OSBPL5: variants seen among roughly 807,000 people sequenced by gnomAD.
The protein encoded by OSBPL5 is oxysterol binding protein like 5.
Under a neutral mutation model 111.2 loss-of-function variants are expected in OSBPL5, and 71 were observed. The observed-to-expected ratio is 0.64, with a 90% CI of 0.53 to 0.78. The LOEUF (loss-of-function observed/expected upper bound fraction) is 0.78, where lower values mean the gene tolerates loss of function less well. Ranked by LOEUF, OSBPL5 falls within the 30% of genes least tolerant of loss-of-function variation. The pLI is 0.00. For missense variants in OSBPL5, 1,210 were observed against 1,189.3 expected, an observed-to-expected ratio of 1.02 and a Z score of -0.26; for synonymous variants, 549 against 513.9, an observed-to-expected ratio of 1.07 and a Z score of -0.93.
intron 11 of OSBPL5, 140 bp from the exon 12 acceptor site, chr11:3,102,421 A>T: frequency 1.4e-6 from 1 of 722,264 alleles, no homozygotes; most frequent in South Asian, 1.7e-5. Context: ...AGCATCTGGG[A>T]ACAACACCTC....
rs891966992 is a variant in OSBPL5, at chr11:3,106,652, T to C, written c.1059+611A>G. Among the ~76,000 whole-genome samples the C allele has an allele frequency of 3.9e-5, 6 of 152,192 alleles. No homozygotes were observed. Among genetic ancestry groups the C allele is most frequent in the African/African-American group, 1.4e-4 (6 of 41,456 alleles). On this transcript the variant is annotated intron_variant, in intron 9 of 21. Coordinates refer to ENST00000263650, the MANE Select transcript of OSBPL5 (RefSeq NM_020896.4). This position sits in a 1 kb window ranked among gnomAD's most constrained non-coding sequence, Gnocchi z 8.4. ...TGAGCTCGTGCGCTGGTGGTCCTTC[T>C]TCTTGGAACGCCATCCTCCCTCCCG...
At position 3,120,448 on chromosome 11, in the gene OSBPL5, C is replaced by A. The variant is rs750572170; in HGVS notation, c.579G>T (p.Pro193=). ...KDGFCFKLFH[P]LDQSVWAVKG... Reference sequence around the variant, plus strand: ...TCACGGCCCAGACGGACTGATCCAGCGGGTGGAAGAGCTTGAAGCAGAAGC... The same window carrying A: ...TCACGGCCCAGACGGACTGATCCAGAGGGTGGAAGAGCTTGAAGCAGAAGC... Residue 193 remains proline (P), a synonymous_variant, in exon 6 of 22, where the codon CCG becomes CCT. Transcript: ENST00000263650. The A allele has an allele frequency of 1.2e-5, 19 of 1,613,052 alleles. No homozygotes were observed. Among genetic ancestry groups the A allele is most frequent in the Middle Eastern group, 1.6e-4 (1 of 6,084 alleles).
Position 3,128,999 on chromosome 11 carries a change from C to G in OSBPL5, c.136+14G>C. On this transcript the variant is annotated intron_variant, in intron 2 of 21. Transcript: ENST00000263650. ...GCTGAGGGCCAGGTTGCCCTGCCCACGGCCGGCACTTACCTGGGCTGAGTG... is the reference window on the plus strand; with the variant it reads ...GCTGAGGGCCAGGTTGCCCTGCCCAGGGCCGGCACTTACCTGGGCTGAGTG... 2.0e-6 allele frequency: 3 copies of G among 1,527,900 alleles called. No individual in the cohort carries two copies. Among genetic ancestry groups the G allele is most frequent in the Non-Finnish European group, 2.6e-6 (3 of 1,137,652 alleles). 94.6% of individuals were successfully genotyped at this position (1,527,900 alleles called of 1,614,324 possible). A position where few individuals can be genotyped will look rare whatever the true frequency, so the allele number is the denominator to read the frequency against.
At chr11:3,158,141 C>T (rs1215279898) in intron 1 of OSBPL5, among the ~76,000 whole-genome samples, 1 of 152,256 alleles carries the variant, frequency 6.6e-6, no homozygotes, top group Non-Finnish European at 1.5e-5. Context: ...CTTCATGCTC[C>T]AAACTCTCCC....
chr11:3,156,191 G>A (rs1457528626), intron 1 of OSBPL5, among the ~76,000 whole-genome samples: 2 of 152,206 alleles, frequency 1.3e-5, no homozygotes, highest in Non-Finnish European at 2.9e-5. Flanking sequence ...CAGTCCCCCG[G>A]GAGAGTGCCC....
Position 3,092,726 on chromosome 11 carries a change from T to A in OSBPL5, c.2132+141A>T. 1 of 1,328,412 alleles carries A rather than the reference T, an allele frequency of 7.5e-7. No individual in the cohort carries two copies. The highest frequency in any genetic ancestry group is 1.5e-5 in the South Asian group (1 of 65,738). The allele number at this position is 1,328,412 out of a possible 1,614,324, so 82.3% of individuals were successfully genotyped here. A position where few individuals can be genotyped will look rare whatever the true frequency, so the allele number is the denominator to read the frequency against. On this transcript the variant is annotated intron_variant, in intron 18 of 21. Transcript: ENST00000263650. The surrounding 1 kb of genome is among the most constrained non-coding windows in gnomAD (Gnocchi z 5.4). ...CAGTAAGGACTGATGATGGGGGGTGTCACTATCTGACCCTCCCCCACCGAC... is the reference window on the plus strand; with the variant it reads ...CAGTAAGGACTGATGATGGGGGGTGACACTATCTGACCCTCCCCCACCGAC...
chr11:3,143,443 A>G (rs1328076051), intron 1 of OSBPL5, among the ~76,000 whole-genome samples: 1 of 152,216 alleles, frequency 6.6e-6, no homozygotes, highest in East Asian at 1.9e-4. Context: ...CAGAGAGCGG[A>G]CACAGCCAGA....
At chr11:3,158,784 C>G (rs1846862964) in intron 1 of OSBPL5, among the ~76,000 whole-genome samples, 1 of 152,194 alleles carries the variant, frequency 6.6e-6, no homozygotes, top group Non-Finnish European at 1.5e-5. Context: ...TGGGGTGCAT[C>G]CTCAAGATAT....
At chr11:3,097,184 T>C (rs1485837216) in intron 14 of OSBPL5, among the ~76,000 whole-genome samples, 3 of 141,428 alleles carry the variant, frequency 2.1e-5, no homozygotes, top group African/African-American at 8.0e-5. Context: ...GGGGCATTTG[T>C]CGATCTGAGA....
intron 1 of OSBPL5, among the ~76,000 whole-genome samples, chr11:3,160,506 C>G (rs779402589): frequency 6.6e-6 from 1 of 152,198 alleles, no homozygotes; most frequent in Non-Finnish European, 1.5e-5. Flanking sequence ...CGAATGGGAC[C>G]CACAGCGGCG....
chr11:3,131,956 T>C (rs143517990), intron 1 of OSBPL5, among the ~76,000 whole-genome samples: 33 of 25,684 alleles, frequency 1.3e-3, no homozygotes, highest in Non-Finnish European at 2.5e-3. Flanking sequence ...CATCCATCCA[T>C]CCATCCATCC....
chr11:3,093,507 TG>T lies in OSBPL5; in HGVS notation c.1946+19del. 2 of 1,603,402 alleles carry T rather than the reference TG, an allele frequency of 1.2e-6. No homozygotes were observed. Among genetic ancestry groups the T allele is most frequent in the Non-Finnish European group, 1.7e-6 (2 of 1,178,136 alleles). ...GTCAGGCTGTGGTCAGCAGGGTCCC[TG>T]GGCGCTGACAGGCCTCACCTCTCGG... On this transcript the variant is annotated intron_variant, in intron 17 of 21. Coordinates refer to ENST00000263650, the MANE Select transcript of OSBPL5 (RefSeq NM_020896.4).
Position 3,140,841 on chromosome 11 carries a change from C to A in OSBPL5, c.-21-11672G>T, listed in dbSNP as rs1416548726. Among the ~76,000 whole-genome samples, 1 of 152,112 alleles carries A rather than the reference C, an allele frequency of 6.6e-6. No individual in the cohort carries two copies. Among genetic ancestry groups the A allele is most frequent in the Non-Finnish European group, 1.5e-5 (1 of 67,998 alleles). ...GTGTATCAAGGTGAGGTGCCTACCCCACCCCTACCCGCCCATGCAGAGCTG... is the reference window on the plus strand; with the variant it reads ...GTGTATCAAGGTGAGGTGCCTACCCAACCCCTACCCGCCCATGCAGAGCTG... On this transcript the variant is annotated intron_variant, in intron 1 of 21. Transcript: ENST00000263650. This position sits in a 1 kb window ranked among gnomAD's most constrained non-coding sequence, Gnocchi z 4.5.
chr11:3,094,267 G>A lies in OSBPL5; in HGVS notation c.1689C>T (p.Asn563=). ...GTTTGAATTCCAGCTGGGCCTGGAA[G>A]TTGTTCTTCGCACACTCGATGGTGA... ...GKVTIECAKN[N]FQAQLEFKLK... The change falls in exon 15 of 22, where the codon AAC becomes AAT. Residue 563 remains asparagine, a synonymous_variant. Coordinates refer to ENST00000263650, the MANE Select transcript of OSBPL5 (RefSeq NM_020896.4). 6.2e-7 allele frequency: 1 copy of A among 1,613,670 alleles called. No homozygotes were observed. The highest frequency in any genetic ancestry group is 8.5e-7 in the Non-Finnish European group (1 of 1,179,980).
In OSBPL5 at chr11:3,104,815, T is replaced by C. The variant is rs533045532; in HGVS notation, c.1060-438A>G. On this transcript the variant is annotated intron_variant, in intron 9 of 21. Coordinates refer to ENST00000263650, the MANE Select transcript of OSBPL5 (RefSeq NM_020896.4). This position sits in a 1 kb window ranked among gnomAD's most constrained non-coding sequence, Gnocchi z 5.0. ...CTCTTCCATTTTTTAAAAAAGGTTA[T>C]TGTAACATTTCTTTTTCTGTTTTTG... Among the ~76,000 whole-genome samples the C allele has an allele frequency of 2.0e-3, 301 of 152,322 alleles. 1 individual carries two copies. Among genetic ancestry groups the C allele is most frequent in the Non-Finnish European group, 3.3e-3 (225 of 68,016 alleles).
intron 14 of OSBPL5, among the ~76,000 whole-genome samples, chr11:3,099,214 C>A (rs1857376419): frequency 6.6e-6 from 1 of 152,210 alleles, no homozygotes; most frequent in Non-Finnish European, 1.5e-5. Context: ...CCTGGAGGGA[C>A]TGAGGAATAT....
chr11:3,093,453 T>C (rs2134386381), intron 17 of OSBPL5, 74 bp downstream of exon 17: 1 of 1,574,006 alleles, frequency 6.4e-7, no homozygotes, highest in Non-Finnish European at 8.6e-7. Context: ...CACAGCACTG[T>C]AGCCCTGCTG....
At chr11:3,143,396 G>C (rs1053918203) in intron 1 of OSBPL5, among the ~76,000 whole-genome samples, 2 of 152,186 alleles carry the variant, frequency 1.3e-5, no homozygotes, top group Non-Finnish European at 2.9e-5. Context: ...CAGGTGGTCC[G>C]CGCACGCACG....
chr11:3,123,619 C>G (rs1199180529), intron 3 of OSBPL5, among the ~76,000 whole-genome samples: 2 of 152,236 alleles, frequency 1.3e-5, no homozygotes, highest in Non-Finnish European at 2.9e-5. Flanking sequence ...TCAGCACTTT[C>G]CAGCGGAGCC....
Sources: allele counts gnomAD v4.1 joint callset (sites outside exome capture counted in the v4.1 genomes callset), GRCh38; gene constraint gnomAD v4.1.1; non-coding constraint Gnocchi (gnomAD v3.1); transcripts MANE v1.5; gene names NCBI Gene and HGNC (gene_info 2026-07-23, HGNC 2026-07-21).